MCPH1: variants seen among roughly 807,000 people sequenced by gnomAD.
MCPH1 encodes the protein microcephalin 1.
Under a neutral mutation model 84.5 loss-of-function variants are expected in MCPH1, and 104 were observed. The observed-to-expected ratio is 1.23, with a 90% CI of 1.05 to 1.45. The LOEUF (loss-of-function observed/expected upper bound fraction) is 1.45. Ranked by LOEUF, MCPH1 falls within the 40% of genes most tolerant of loss-of-function variation. The pLI is 0.00. For synonymous variants in MCPH1, 514 were observed against 366.8 expected (o/e 1.40, Z -4.58); for missense variants, 1,498 against 1,005.7 (o/e 1.49, Z -6.62).
chr8:6,476,394 A>C (rs186534471), intron 9 of MCPH1, among the ~76,000 whole-genome samples: 3 of 148,442 alleles, frequency 2.0e-5, no homozygotes, highest in Non-Finnish European at 4.4e-5. Flanking sequence ...GCACCATTGC[A>C]CTCCAGTCTG....
At chr8:6,509,887 G>C (rs577084686) in intron 12 of MCPH1, among the ~76,000 whole-genome samples, 1 of 152,296 alleles carries the variant, frequency 6.6e-6, no homozygotes, top group South Asian at 2.1e-4. Flanking sequence ...GGGATCACAG[G>C]ACTGACTGGG....
intron 12 of MCPH1, among the ~76,000 whole-genome samples, chr8:6,537,217 G>A (rs370819780): frequency 1.3e-5 from 2 of 152,142 alleles, no homozygotes; most frequent in Non-Finnish European, 2.9e-5. Context: ...CATATCTGAA[G>A]AGGATTATTC....
At position 6,444,569 on chromosome 8, in the gene MCPH1, C is replaced by T. The variant is rs1443570598; in HGVS notation, c.847C>T (p.Leu283Phe). Residue 283 changes from leucine to phenylalanine, a missense_variant, in exon 8 of 14, where the codon CTC (leucine) becomes TTC (phenylalanine). Coordinates refer to ENST00000344683, the MANE Select transcript of MCPH1 (RefSeq NM_024596.5). ...TCATTCATCACCATCTTTCACTCAC[C>T]TCGATAAATCAAGTCCTCAGAAATT... ...NIHSSPSFTH[L>F]DKSSPQKFLS... 4 of 1,614,080 alleles carry T rather than the reference C, an allele frequency of 2.5e-6. No homozygotes were observed. The highest frequency in any genetic ancestry group is 2.7e-5 in the African/African-American group (2 of 75,018).
At chr8:6,628,824 A>G (rs1359847128) in intron 13 of MCPH1, among the ~76,000 whole-genome samples, 1 of 152,228 alleles carries the variant, frequency 6.6e-6, no homozygotes, top group Non-Finnish European at 1.5e-5. Flanking sequence ...TCAACCTCCT[A>G]ATGGGAAGCT....
At chr8:6,629,606 T>G (rs1360178662) in intron 13 of MCPH1, among the ~76,000 whole-genome samples, 2 of 152,198 alleles carry the variant, frequency 1.3e-5, no homozygotes, top group African/African-American at 4.8e-5. Context: ...AACTAACCCC[T>G]GTGACACCTT....
At chr8:6,445,924 T>C in intron 8 of MCPH1, 3 of 991,314 alleles carry the variant, frequency 3.0e-6, no homozygotes, top group Non-Finnish European at 3.6e-6. Flanking sequence ...TTTTAAAACC[T>C]AGGTTCTTAA....
intron 11 of MCPH1, among the ~76,000 whole-genome samples, chr8:6,482,172 G>A (rs1809329101): frequency 6.6e-6 from 1 of 152,168 alleles, no homozygotes; most frequent in Non-Finnish European, 1.5e-5. Flanking sequence ...GAGTATTGAT[G>A]CTGACAACTT....
chr8:6,481,977 A>G (rs1809304094), intron 11 of MCPH1, among the ~76,000 whole-genome samples: 1 of 152,208 alleles, frequency 6.6e-6, no homozygotes, highest in Non-Finnish European at 1.5e-5. Context: ...GCATGAAGAA[A>G]TCTCAGGTTA....
At chr8:6,452,777 G>A (rs1805232415) in intron 8 of MCPH1, among the ~76,000 whole-genome samples, 1 of 152,222 alleles carries the variant, frequency 6.6e-6, no homozygotes. Context: ...ACCCGACCAT[G>A]GGGGCACCGT....
At chr8:6,590,941 G>T (rs1323203859) in intron 12 of MCPH1, among the ~76,000 whole-genome samples, 1 of 152,164 alleles carries the variant, frequency 6.6e-6, no homozygotes, top group African/African-American at 2.4e-5. Context: ...TGCTCTTGTT[G>T]CCCAGGCTGG....
intron 2 of MCPH1, among the ~76,000 whole-genome samples, chr8:6,413,752 T>C (rs1278587281): frequency 1.3e-5 from 2 of 150,220 alleles, no homozygotes; most frequent in Non-Finnish European, 3.0e-5. Context: ...GAATACAGTA[T>C]CTTTTTTTTT....
intron 12 of MCPH1, among the ~76,000 whole-genome samples, chr8:6,615,156 C>T (rs1214431098): frequency 6.6e-6 from 1 of 152,196 alleles, no homozygotes; most frequent in African/African-American, 2.4e-5. Flanking sequence ...TTCACACATG[C>T]CGTGAGTCTT....
intron 3 of MCPH1, among the ~76,000 whole-genome samples, chr8:6,415,689 T>A (rs531469793): frequency 6.6e-6 from 1 of 152,242 alleles, no homozygotes; most frequent in African/African-American, 2.4e-5. Flanking sequence ...TGTAGTAAGT[T>A]TTGAAATTGG....
At chr8:6,426,351 C>T (rs1801058958) in intron 3 of MCPH1, among the ~76,000 whole-genome samples, 1 of 152,178 alleles carries the variant, frequency 6.6e-6, no homozygotes. Context: ...CCTCCCTGCC[C>T]CCTCCTCCCA....
At chr8:6,512,422 C>G (rs1815344974) in intron 12 of MCPH1, among the ~76,000 whole-genome samples, 3 of 152,184 alleles carry the variant, frequency 2.0e-5, no homozygotes, top group Non-Finnish European at 4.4e-5. Context: ...GACTGTAGGT[C>G]AGATGATGAC....
chr8:6,543,616 T>A (rs1822002378), intron 12 of MCPH1, among the ~76,000 whole-genome samples: 2 of 152,188 alleles, frequency 1.3e-5, no homozygotes, highest in Admixed American at 1.3e-4. Flanking sequence ...TCTTTGATTT[T>A]TGTGTTCATA....
chr8:6,613,792 G>C (rs1424320187), intron 12 of MCPH1, among the ~76,000 whole-genome samples: 1 of 152,108 alleles, frequency 6.6e-6, no homozygotes, highest in East Asian at 1.9e-4. Context: ...TGTGGAGCTG[G>C]CTTGTGGACG....
chr8:6,561,670 CAATT>C (rs1223441057), intron 12 of MCPH1, among the ~76,000 whole-genome samples: 10 of 152,138 alleles, frequency 6.6e-5, no homozygotes, highest in African/African-American at 1.9e-4. Context: ...TGCTACTTAA[CAATT>C]AATTTATGCA....
At chr8:6,503,939 C>A (rs1230172014) in intron 12 of MCPH1, among the ~76,000 whole-genome samples, 2 of 152,176 alleles carry the variant, frequency 1.3e-5, no homozygotes, top group Non-Finnish European at 2.9e-5. Context: ...AGTAGTCCCC[C>A]CTTATCTGCT....
Sources: gnomAD v4.1 joint callset for allele counts (sites outside exome capture counted in the v4.1 genomes callset) on GRCh38, gnomAD v4.1.1 for gene constraint, MANE v1.5 for transcripts, NCBI Gene and HGNC (gene_info 2026-07-23, HGNC 2026-07-21) for gene names.